Variants in KIAA0586 observed in about 807,000 individuals in gnomAD.
KIAA0586 encodes the protein protein TALPID3.
Under a neutral mutation model 169.8 loss-of-function variants are expected in KIAA0586, and 144 were observed. The observed-to-expected ratio is 0.85, with a 90% CI of 0.74 to 0.97. The LOEUF is 0.97. Among genes scored for constraint, KIAA0586 ranks in the 50% least tolerant of loss-of-function variants. KIAA0586 has a pLI of 0.00. For synonymous variants in KIAA0586, 625 were observed against 612.4 expected (o/e 1.02, Z -0.30); for missense variants, 1,854 against 1,823.0 (o/e 1.02, Z -0.31).
chr14:58,448,614 G>C lies in KIAA0586; in HGVS notation c.961+121G>C, dbSNP rs958191093. ...TTTTGTTTTATAAAATTTATTTATA[G>C]GAGTTTTTGTTTTATAAAACAATTT... On this transcript the variant is annotated intron_variant, in intron 7 of 30. Coordinates refer to ENST00000652326, the MANE Select transcript of KIAA0586 (RefSeq NM_001329943.3). 4.9e-6 allele frequency: 3 copies of C among 614,280 alleles called. No homozygotes were observed. The African/African-American group carries it at 6.2e-5, about 13-fold the overall frequency. The allele number at this position is 614,280 out of a possible 1,614,324, so 38.1% of individuals were successfully genotyped here.
intron 29 of KIAA0586, among the ~76,000 whole-genome samples, chr14:58,532,865 A>T (rs573284024): frequency 2.0e-5 from 3 of 152,332 alleles, no homozygotes; most frequent in African/African-American, 7.2e-5. Flanking sequence ...AAATGGTAAA[A>T]CAAATTACTC....
the KIAA0586 span, among the ~76,000 whole-genome samples, chr14:58,558,593 ACAAG>A: frequency 3.9e-5 from 6 of 152,224 alleles, no homozygotes; most frequent in Non-Finnish European, 8.8e-5. Flanking sequence ...TGCATATGAA[ACAAG>A]CAAGCACTGA....
At chr14:58,477,090 T>A (rs369739408) in intron 19 of KIAA0586, 33 bp from the exon 20 acceptor site, 2 of 1,174,774 alleles carry the variant, frequency 1.7e-6, no homozygotes, top group Non-Finnish European at 2.5e-6. Flanking sequence ...AATTGAGGAA[T>A]CTTAACTTTT....
At chr14:58,450,268 C>G (rs2039253668) in intron 7 of KIAA0586, among the ~76,000 whole-genome samples, 1 of 152,054 alleles carries the variant, frequency 6.6e-6, no homozygotes, top group Non-Finnish European at 1.5e-5. Flanking sequence ...TTAATTCTTC[C>G]TATACTTATT....
rs1050753342 is a variant in KIAA0586 at position 58,490,049 on chromosome 14, C to T, written c.3782-115C>T. ...TGAATTACTTGTTTATAAACTTTGC[C>T]AGTATTTCCATTGCAGTATAATTTT... On this transcript the variant is annotated intron_variant, in intron 24 of 30. Transcript: ENST00000652326. 12 of 541,372 alleles carry T rather than the reference C, an allele frequency of 2.2e-5. No individual in the cohort carries two copies. The African/African-American group carries it at 2.4e-4, about 11-fold the overall frequency. The allele number at this position is 541,372 out of a possible 1,614,324, so 33.5% of individuals were successfully genotyped here.
chr14:58,531,343 A>AAT (rs1555404912), intron 29 of KIAA0586, among the ~76,000 whole-genome samples: 28 of 145,972 alleles, frequency 1.9e-4, no homozygotes, highest in Admixed American at 8.0e-4. Flanking sequence ...AAAAAAAAAT[A>AAT]AAATAAATAA....
intron 30 of KIAA0586, among the ~76,000 whole-genome samples, chr14:58,545,513 T>C (rs1025314672): frequency 6.6e-6 from 1 of 152,210 alleles, no homozygotes; most frequent in African/African-American, 2.4e-5. Context: ...ACTCAAGGAA[T>C]GGATTAGAAG....
intron 17 of KIAA0586, 49 bp from the exon 18 acceptor site, chr14:58,472,150 T>A: frequency 1.1e-6 from 1 of 942,662 alleles, no homozygotes; most frequent in Non-Finnish European, 1.6e-6. Flanking sequence ...TACTTATAAA[T>A]TTTAAAAGTG....
At chr14:58,537,783 G>A (rs1016961984) in intron 29 of KIAA0586, among the ~76,000 whole-genome samples, 8 of 152,026 alleles carry the variant, frequency 5.3e-5, no homozygotes, top group African/African-American at 1.9e-4. Flanking sequence ...GAGTAGCTGG[G>A]ACTACAGGTG....
the KIAA0586 span, among the ~76,000 whole-genome samples, chr14:58,556,717 T>C: frequency 6.6e-6 from 1 of 152,186 alleles, no homozygotes; most frequent in Admixed American, 6.5e-5. Flanking sequence ...ATCTGTGATA[T>C]TCATATATAT....
chr14:58,547,819 C>A lies in KIAA0586; in HGVS notation c.4534C>A (p.Pro1512Thr). Reference sequence around the variant, plus strand: ...GCCACTCTCCGCTTCACAGATGCCCCCTGCCAAGATGTCAGTGATGCTGCC... The same window carrying A: ...GCCACTCTCCGCTTCACAGATGCCCACTGCCAAGATGTCAGTGATGCTGCC... ...AVPLSASQMPPAKMSVMLPSV... is the reference protein window; with the variant it reads ...AVPLSASQMPTAKMSVMLPSV... The change falls in exon 31 of 31, where the codon CCT becomes ACT. Residue 1512 changes from proline to threonine, a missense_variant. Transcript: ENST00000652326. The A allele has an allele frequency of 6.2e-7, 1 of 1,613,688 alleles. No individual in the cohort carries two copies. Among genetic ancestry groups the A allele is most frequent in the South Asian group, 1.1e-5 (1 of 91,070 alleles).
intron 29 of KIAA0586, among the ~76,000 whole-genome samples, chr14:58,519,285 C>T (rs2045009921): frequency 6.6e-6 from 1 of 152,168 alleles, no homozygotes; most frequent in African/African-American, 2.4e-5. Context: ...CACTGTCACC[C>T]AGGCTGGAGA....
chr14:58,464,070 T>C, intron 14 of KIAA0586: 1 of 423,158 alleles, frequency 2.4e-6, no homozygotes, highest in Non-Finnish European at 4.8e-6. Context: ...GTAGTCACAT[T>C]GATGATCTGG....
chr14:58,438,987 G>A lies in KIAA0586; in HGVS notation c.411-3719G>A, dbSNP rs978881764. ...GTTTCTAAGCAAGTAGAAACTGGAA[G>A]AATGGAATAGTTAGTAATAGGTGAT... On this transcript the variant is annotated intron_variant, in intron 4 of 30. Coordinates refer to ENST00000652326, the MANE Select transcript of KIAA0586 (RefSeq NM_001329943.3). Among the ~76,000 whole-genome samples the A allele has an allele frequency of 2.3e-4, 35 of 152,164 alleles. 1 individual carries two copies. The highest frequency in any genetic ancestry group is 1.5e-5 in the Non-Finnish European group (1 of 68,026).
intron 11 of KIAA0586, 125 bp from the exon 12 acceptor site, chr14:58,458,348 C>T (rs992520917): frequency 1.6e-6 from 1 of 623,290 alleles, no homozygotes; most frequent in Non-Finnish European, 2.8e-6. Context: ...TCCTAATATC[C>T]TTTCCTTTTC....
chr14:58,521,128 C>T, intron 29 of KIAA0586: 1 of 503,834 alleles, frequency 2.0e-6, no homozygotes, highest in Non-Finnish European at 3.6e-6. Flanking sequence ...ATAGGAGTCT[C>T]AGAATCGAAT....
chr14:58,453,084 A>C (rs781450564), intron 8 of KIAA0586, among the ~76,000 whole-genome samples: 2 of 150,972 alleles, frequency 1.3e-5, no homozygotes, highest in Non-Finnish European at 3.0e-5. Context: ...TACCCAGCTA[A>C]TTTTTTCTAT....
At chr14:58,468,230 T>A (rs1281124445) in intron 16 of KIAA0586, among the ~76,000 whole-genome samples, 1 of 151,922 alleles carries the variant, frequency 6.6e-6, no homozygotes, top group Non-Finnish European at 1.5e-5. Context: ...TATTTTTTTT[T>A]AGTAGAGATG....
chr14:58,451,750 C>A (rs1378908565), intron 8 of KIAA0586, among the ~76,000 whole-genome samples: 7 of 152,052 alleles, frequency 4.6e-5, no homozygotes, highest in Admixed American at 3.3e-4. Context: ...GTGGCACCAT[C>A]TCAGCTCACT....
Sources: allele counts gnomAD v4.1 joint callset (sites outside exome capture counted in the v4.1 genomes callset), GRCh38; gene constraint gnomAD v4.1.1; transcripts MANE v1.5; gene names NCBI Gene and HGNC (gene_info 2026-07-23, HGNC 2026-07-21).